The following CPNE4 variants were observed in gnomAD, a reference collection of about 807,000 sequenced individuals.
The protein encoded by CPNE4 is copine-4.
CPNE4 carries 25 observed loss-of-function variants against 67.9 expected under a neutral mutation model. That is an observed-to-expected ratio of 0.37 (90% CI 0.27 to 0.51). The LOEUF (loss-of-function observed/expected upper bound fraction) is 0.51. Among genes scored for constraint, CPNE4 ranks in the 20% least tolerant of loss-of-function variants. CPNE4 has a pLI of 0.93. For missense variants in CPNE4, 464 were observed against 690.8 expected (o/e 0.67, Z 3.68); for synonymous variants, 242 against 244.9 (o/e 0.99, Z 0.11).
At chr3:131,638,568 T>C (rs1358462668) in intron 7 of CPNE4, among the ~76,000 whole-genome samples, 3 of 152,010 alleles carry the variant, frequency 2.0e-5, no homozygotes, top group Non-Finnish European at 4.4e-5. Context: ...TGGCAACATA[T>C]AGTGGGGGAC....
At chr3:131,872,547 C>T (rs961246335) in intron 2 of CPNE4, among the ~76,000 whole-genome samples, 2 of 152,198 alleles carry the variant, frequency 1.3e-5, no homozygotes, top group Non-Finnish European at 2.9e-5. Flanking sequence ...GAAGGGCAGT[C>T]TGCTTTACTC....
At chr3:131,865,372 G>T (rs73203891) in intron 2 of CPNE4, among the ~76,000 whole-genome samples, 11,644 of 151,804 alleles carry the variant, frequency 0.077, 586 homozygotes, top group East Asian at 0.17. Flanking sequence ...TCTTATATTT[G>T]TAATGCATAT....
intron 10 of CPNE4, among the ~76,000 whole-genome samples, chr3:131,570,105 T>C (rs1937256824): frequency 6.6e-6 from 1 of 151,740 alleles, no homozygotes; most frequent in Non-Finnish European, 1.5e-5. Flanking sequence ...TCATAGTCAA[T>C]ACTAAATAAC....
intron 7 of CPNE4, among the ~76,000 whole-genome samples, chr3:131,620,714 A>C (rs1441435428): frequency 1.3e-5 from 2 of 152,224 alleles, no homozygotes; most frequent in Non-Finnish European, 2.9e-5. Flanking sequence ...AGATGCAATA[A>C]TGGAAGCAGA....
chr3:131,779,488 A>G lies in CPNE4; in HGVS notation c.181-55863T>C, dbSNP rs985440183. Among the ~76,000 whole-genome samples the G allele has an allele frequency of 3.3e-5, 5 of 152,250 alleles. No individual in the cohort carries two copies. In the East Asian group the frequency reaches 9.7e-4, roughly 29 times the overall value. On this transcript the variant is annotated intron_variant, in intron 2 of 15. Coordinates refer to ENST00000429747, the MANE Select transcript of CPNE4 (RefSeq NM_130808.3). ...TGGTACTCGTAGAAAAAAAAGACAC[A>G]TAGACCAATAGAACAGGTTAGAGAA...
At chr3:131,825,070 G>T (rs1196442554) in intron 2 of CPNE4, among the ~76,000 whole-genome samples, 3 of 152,112 alleles carry the variant, frequency 2.0e-5, no homozygotes, top group African/African-American at 7.2e-5. Context: ...GGGATCTACT[G>T]GGAGATTCCT....
rs140067080 is a variant in CPNE4, at chr3:131,947,544, T to C, written c.-1-42100A>G. 1.6e-3 allele frequency among the ~76,000 whole-genome samples: 249 copies of C among 152,318 alleles called. 11 individuals are homozygous for C. The East Asian group carries it at 0.046, about 28-fold the overall frequency. On this transcript the variant is annotated intron_variant, in intron 1 of 15. Coordinates refer to ENST00000429747, the MANE Select transcript of CPNE4 (RefSeq NM_130808.3). ...GAATGATGGTTTCCAGCTTCATCCATGTCCCTGCAAAGGACATGAACTCAT... is the reference window on the plus strand; with the variant it reads ...GAATGATGGTTTCCAGCTTCATCCACGTCCCTGCAAAGGACATGAACTCAT...
At chr3:131,637,304 T>G (rs907326765) in intron 7 of CPNE4, among the ~76,000 whole-genome samples, 1 of 151,916 alleles carries the variant, frequency 6.6e-6, no homozygotes, top group African/African-American at 2.4e-5. Context: ...ATACAGGATA[T>G]GAAAGGAAAA....
At chr3:131,708,146 C>T (rs2081460114) in intron 3 of CPNE4, among the ~76,000 whole-genome samples, 1 of 152,014 alleles carries the variant, frequency 6.6e-6, no homozygotes. Context: ...ATATTTGAGA[C>T]ACTGAATTGA....
chr3:131,951,711 T>A (rs944038646), intron 1 of CPNE4, among the ~76,000 whole-genome samples: 1 of 152,264 alleles, frequency 6.6e-6, no homozygotes, highest in East Asian at 1.9e-4. Context: ...TGCAAGCGCG[T>A]GCCGCCACGC....
At chr3:131,771,451 G>A (rs1205194193) in intron 2 of CPNE4, among the ~76,000 whole-genome samples, 3 of 151,992 alleles carry the variant, frequency 2.0e-5, no homozygotes, top group East Asian at 1.9e-4. Context: ...GAAGGGTGAG[G>A]GGTGAGTAAT....
rs1290748433 is a variant in CPNE4 at position 131,534,456 on chromosome 3, G to C, written c.*739C>G. 1 of 152,136 alleles carries C rather than the reference G, an allele frequency of 6.6e-6. No homozygotes were observed. Among genetic ancestry groups the C allele is most frequent in the Non-Finnish European group, 1.5e-5 (1 of 68,032 alleles). The allele number at this position is 152,136 out of a possible 1,614,324, so 9.4% of individuals were successfully genotyped here. ...CTCACTCCTCTTGGTATAGTCCAGG[G>C]ACTGCATTAGCATCACCTGGGACCT... On this transcript the variant is annotated 3_prime_UTR_variant, in exon 16 of 16. Transcript: ENST00000429747.
intron 1 of CPNE4, among the ~76,000 whole-genome samples, chr3:131,982,960 C>A (rs182733304): frequency 6.6e-6 from 1 of 151,896 alleles, no homozygotes; most frequent in Admixed American, 6.5e-5. Flanking sequence ...CAAACAAAAT[C>A]TTTAAAGAAA....
chr3:132,023,964 G>A (rs1489739984), intron 1 of CPNE4, among the ~76,000 whole-genome samples: 1 of 152,126 alleles, frequency 6.6e-6, no homozygotes, highest in Non-Finnish European at 1.5e-5. Context: ...GTTACTATTT[G>A]CAGCATGGGT....
chr3:131,923,810 C>T (rs1481244586), intron 1 of CPNE4, among the ~76,000 whole-genome samples: 2 of 151,084 alleles, frequency 1.3e-5, no homozygotes, highest in East Asian at 1.9e-4. Context: ...GCTAGTGGCT[C>T]ATGTCAGCTA....
intron 13 of CPNE4, among the ~76,000 whole-genome samples, chr3:131,550,815 A>G (rs67284841): frequency 0.17 from 25,821 of 152,016 alleles, 2,458 homozygotes; most frequent in African/African-American, 0.26. Context: ...CTCATTTAAA[A>G]GGGGGCTTCC....
At chr3:131,573,835 T>C (rs1937455432) in intron 10 of CPNE4, among the ~76,000 whole-genome samples, 1 of 152,044 alleles carries the variant, frequency 6.6e-6, no homozygotes. Context: ...GCTTGCTGGC[T>C]GTGCATTAGA....
At chr3:131,953,248 A>T (rs1043133001) in intron 1 of CPNE4, among the ~76,000 whole-genome samples, 39 of 142,394 alleles carry the variant, frequency 2.7e-4, no homozygotes, top group African/African-American at 7.8e-4. Flanking sequence ...TTAAAAAAAA[A>T]AAAAAAAAAA....
chr3:131,728,336 G>A (rs566141943), intron 2 of CPNE4, among the ~76,000 whole-genome samples: 1 of 152,234 alleles, frequency 6.6e-6, no homozygotes, highest in African/African-American at 2.4e-5. Flanking sequence ...TAACTTTTCC[G>A]ATTTTACACA....
Sources: allele counts gnomAD v4.1 joint callset (sites outside exome capture counted in the v4.1 genomes callset), GRCh38; gene constraint gnomAD v4.1.1; transcripts MANE v1.5; gene names NCBI Gene and HGNC (gene_info 2026-07-23, HGNC 2026-07-21).